Variants in ITK observed in about 807,000 individuals in gnomAD.
ITK encodes the protein IL2 inducible T cell kinase, also known as tyrosine-protein kinase ITK/TSK.
A neutral mutation model predicts 87.6 loss-of-function variants in ITK; 45 were observed. The observed-to-expected ratio is 0.51, with a 90% CI of 0.40 to 0.66. ITK has a LOEUF of 0.66. Ranked by LOEUF, ITK falls within the 30% of genes least tolerant of loss-of-function variation. The pLI, the probability that ITK is intolerant of heterozygous loss-of-function variation, is 0.00. For missense variants in ITK, 605 were observed against 766.3 expected (o/e 0.79, Z 2.48); for synonymous variants, 303 against 273.6 (o/e 1.11, Z -1.06).
intron 10 of ITK, 115 bp from the exon 11 acceptor site, chr5:157,241,531 G>T (rs1273341757): frequency 2.6e-6 from 2 of 759,964 alleles, no homozygotes; most frequent in African/African-American, 3.4e-5. Flanking sequence ...TTGTTTTCCA[G>T]AATAAAATTA....
In ITK at chr5:157,253,890, A is replaced by G. The variant is rs1755200045; in HGVS notation, c.*1212A>G. On this transcript the variant is annotated 3_prime_UTR_variant, in exon 17 of 17. Transcript: ENST00000422843. ...GAGCACTTCTATATGCAAGGTGAAT[A>G]TGTACTGAGCTAGGAGACTTCCCTG... 1 of 222,238 alleles carries G rather than the reference A, an allele frequency of 4.5e-6. No individual in the cohort carries two copies. The highest frequency in any genetic ancestry group is 9.0e-6 in the Non-Finnish European group (1 of 111,290). 13.8% of individuals were successfully genotyped at this position (222,238 alleles called of 1,614,324 possible).
In ITK at chr5:157,244,138, ATAT is replaced by A. The variant is rs1435943991; in HGVS notation, c.1233-119_1233-117del. On this transcript the variant is annotated intron_variant, in intron 12 of 16. Coordinates refer to ENST00000422843, the MANE Select transcript of ITK (RefSeq NM_005546.4). ...TGTTTTTGTTTTGGGGAGGGAATGA[ATAT>A]TATTTTCATCCAAACCATAAATTAG... 4.7e-6 allele frequency: 4 copies of A among 857,618 alleles called. No individual in the cohort carries two copies. The East Asian group carries it at 1.0e-4, about 22-fold the overall frequency. The allele number at this position is 857,618 out of a possible 1,614,324, so 53.1% of individuals were successfully genotyped here.
At chr5:157,217,512 G>C (rs1216813294) in intron 4 of ITK, among the ~76,000 whole-genome samples, 1 of 152,108 alleles carries the variant, frequency 6.6e-6, no homozygotes, top group Non-Finnish European at 1.5e-5. Context: ...GAGCTTAGCA[G>C]GTGGCAGAGA....
intron 6 of ITK, among the ~76,000 whole-genome samples, chr5:157,224,080 T>A (rs1754482520): frequency 6.6e-6 from 1 of 152,068 alleles, no homozygotes; most frequent in Admixed American, 6.6e-5. Context: ...GGCCAGGAGT[T>A]TGAGACCAGC....
chr5:157,198,175 G>GC (rs924092122), intron 1 of ITK, among the ~76,000 whole-genome samples: 3 of 151,092 alleles, frequency 2.0e-5, no homozygotes, highest in Non-Finnish European at 4.4e-5. Context: ...CCTACTCCCA[G>GC]CCCCCAGGAC....
At chr5:157,234,504 C>T (rs558610934) in intron 8 of ITK, among the ~76,000 whole-genome samples, 1 of 152,112 alleles carries the variant, frequency 6.6e-6, no homozygotes, top group East Asian at 1.9e-4. Flanking sequence ...AGTATAGGAC[C>T]TTTAAGAGAT....
intron 6 of ITK, among the ~76,000 whole-genome samples, chr5:157,227,893 C>T (rs35881189): frequency 0.017 from 2,436 of 140,608 alleles, 29 homozygotes; most frequent in Non-Finnish European, 0.027. Context: ...AGCAGTGGCA[C>T]GATCTCGGCT....
intron 3 of ITK, among the ~76,000 whole-genome samples, chr5:157,213,262 A>C (rs1027823998): frequency 6.6e-6 from 1 of 152,222 alleles, no homozygotes; most frequent in African/African-American, 2.4e-5. Flanking sequence ...CTCACGTATT[A>C]TCACAAGAAC....
In ITK at chr5:157,184,963, G is replaced by A. The variant is rs116287333; in HGVS notation, c.138+3848G>A. Among the ~76,000 whole-genome samples, 336 of 152,258 alleles carry A rather than the reference G, an allele frequency of 2.2e-3. 2 individuals carry two copies. The highest frequency in any genetic ancestry group is 7.7e-3 in the African/African-American group (322 of 41,552). ...ACAGTCAAGATCACCATTCCAGTAA[G>A]CATCTGGGTGAGGGTCTCCACTCCT... On this transcript the variant is annotated intron_variant, in intron 1 of 16. Coordinates refer to ENST00000422843, the MANE Select transcript of ITK (RefSeq NM_005546.4).
chr5:157,213,488 C>T lies in ITK; in HGVS notation c.326-703C>T, dbSNP rs1754233979. On this transcript the variant is annotated intron_variant, in intron 3 of 16. Coordinates refer to ENST00000422843, the MANE Select transcript of ITK (RefSeq NM_005546.4). ...GACCTATTGGGCTCAAGTGATCCTC[C>T]CACTTCAGCCTCCTGAGTAGCTGGG... The T allele has an allele frequency of 9.8e-6, 4 of 408,818 alleles. No individual in the cohort carries two copies. In the Admixed American group the frequency reaches 1.2e-4, roughly 12 times the overall value. 25.3% of individuals were successfully genotyped at this position (408,818 alleles called of 1,614,324 possible).
intron 4 of ITK, among the ~76,000 whole-genome samples, chr5:157,215,057 C>T (rs759132021): frequency 6.6e-6 from 1 of 152,166 alleles, no homozygotes; most frequent in Non-Finnish European, 1.5e-5. Context: ...TACAACTCCA[C>T]TCGAATGCAT....
chr5:157,207,812 T>C (rs1754112989), intron 1 of ITK, among the ~76,000 whole-genome samples: 1 of 152,190 alleles, frequency 6.6e-6, no homozygotes, highest in Admixed American at 6.5e-5. Context: ...AAGTAATAGT[T>C]CTGCCTAACA....
intron 6 of ITK, among the ~76,000 whole-genome samples, chr5:157,226,724 G>C (rs925079496): frequency 2.0e-5 from 3 of 152,110 alleles, no homozygotes; most frequent in Admixed American, 1.3e-4. Context: ...TTGAAAATTG[G>C]CCTTATTATA....
At chr5:157,197,934 G>T (rs1465359196) in intron 1 of ITK, among the ~76,000 whole-genome samples, 1 of 152,062 alleles carries the variant, frequency 6.6e-6, no homozygotes, top group Non-Finnish European at 1.5e-5. Context: ...TCAGGGAAAT[G>T]TATTTATTCA....
intron 1 of ITK, among the ~76,000 whole-genome samples, chr5:157,181,487 C>A (rs1374220939): frequency 6.6e-6 from 1 of 152,262 alleles, no homozygotes; most frequent in South Asian, 2.1e-4. Context: ...TTTAATGAAA[C>A]ATAGATTAAT....
At chr5:157,218,272 A>C (rs541416934) in intron 5 of ITK, among the ~76,000 whole-genome samples, 37 of 152,252 alleles carry the variant, frequency 2.4e-4, no homozygotes, top group African/African-American at 8.2e-4. Flanking sequence ...TGGGAGGCCA[A>C]AGTGGGAGGA....
intron 13 of ITK, 194 bp from the exon 14 acceptor site, chr5:157,245,532 T>A: frequency 1.5e-6 from 1 of 654,828 alleles, no homozygotes; most frequent in South Asian, 1.7e-5. Flanking sequence ...TGATAGTGGA[T>A]CTTACACATT....
chr5:157,211,416 A>G (rs1207698048), intron 3 of ITK, 48 bp downstream of exon 3: 3 of 1,443,338 alleles, frequency 2.1e-6, no homozygotes, highest in African/African-American at 2.8e-5. Context: ...TTGATCCTAT[A>G]GTAGGGTTGG....
At chr5:157,232,221 T>A in intron 7 of ITK, 119 bp from the exon 8 acceptor site, 1 of 728,798 alleles carries the variant, frequency 1.4e-6, no homozygotes, top group Non-Finnish European at 2.4e-6. Flanking sequence ...CACTTAAAAT[T>A]TTTTTAAAGC....
Sources: gnomAD v4.1 joint callset for allele counts (sites outside exome capture counted in the v4.1 genomes callset) on GRCh38, gnomAD v4.1.1 for gene constraint, MANE v1.5 for transcripts, NCBI Gene and HGNC (gene_info 2026-07-23, HGNC 2026-07-21) for gene names.